The following LRP12 variants were observed in gnomAD, a reference collection of about 807,000 sequenced individuals.
LRP12 encodes LDL receptor related protein 12, also known as low-density lipoprotein receptor-related protein 12.
LRP12 carries 14 observed loss-of-function variants against 66.0 expected under a neutral mutation model. The ratio of observed to expected loss-of-function variants is 0.21; its 90% CI spans 0.14 to 0.33. LRP12 has a LOEUF of 0.33. LRP12 is among the 10% of genes least tolerant of loss of function. The pLI, the probability that LRP12 is intolerant of heterozygous loss-of-function variation, is 1.00. For missense variants in LRP12, 889 were observed against 1,053.4 expected (o/e 0.84, Z 2.16); for synonymous variants, 357 against 359.1 (o/e 0.99, Z 0.07).
intron 3 of LRP12, chr8:104,506,693 G>C (rs966117121): frequency 6.6e-6 from 1 of 152,126 alleles, no homozygotes; most frequent in African/African-American, 2.4e-5. Context: ...CCCGTCCCTA[G>C]TCCTTGGCTT....
At chr8:104,492,321 T>TA (rs1432694996) in intron 6 of LRP12, among the ~76,000 whole-genome samples, 1 of 152,172 alleles carries the variant, frequency 6.6e-6, no homozygotes, top group Non-Finnish European at 1.5e-5. Flanking sequence ...TCCAACTGAA[T>TA]AAAAAATCTA....
At position 104,550,325 on chromosome 8, in the gene LRP12, G is replaced by A. The variant is rs571489637; in HGVS notation, c.80-18362C>T. Among the ~76,000 whole-genome samples, 6 of 152,250 alleles carry A rather than the reference G, an allele frequency of 3.9e-5. No homozygotes were observed. The South Asian group carries it at 1.2e-3, about 32-fold the overall frequency. ...TCTTGAAATAATAATAGCAGCTAAC[G>A]TATGTACTATGTACCAAATGATGGT... On this transcript the variant is annotated intron_variant, in intron 1 of 6. Coordinates refer to ENST00000276654, the MANE Select transcript of LRP12 (RefSeq NM_013437.5).
At chr8:104,571,529 C>T (rs1053798188) in intron 1 of LRP12, among the ~76,000 whole-genome samples, 1 of 152,094 alleles carries the variant, frequency 6.6e-6, no homozygotes, top group Non-Finnish European at 1.5e-5. Context: ...TTGGTAGTTC[C>T]TCCTGTGTTC....
At position 104,552,487 on chromosome 8, in the gene LRP12, T is replaced by C. The variant is rs1218473917; in HGVS notation, c.80-20524A>G. On this transcript the variant is annotated intron_variant, in intron 1 of 6. Coordinates refer to ENST00000276654, the MANE Select transcript of LRP12 (RefSeq NM_013437.5). ...GAGTTCGAGACCAGCCTGACCAACA[T>C]GGGGAAACCCCTTCTCTACTAAAAA... 4.6e-5 allele frequency among the ~76,000 whole-genome samples: 7 copies of C among 151,800 alleles called. No individual in the cohort carries two copies. In the South Asian group the frequency reaches 1.3e-3, roughly 27 times the overall value.
intron 3 of LRP12, chr8:104,506,940 T>C (rs1810919389): frequency 6.6e-6 from 1 of 152,190 alleles, no homozygotes; most frequent in Non-Finnish European, 1.5e-5. Flanking sequence ...TTTAAAATTT[T>C]TATTTTAAAT....
intron 1 of LRP12, among the ~76,000 whole-genome samples, chr8:104,572,029 T>A (rs1355500661): frequency 6.6e-6 from 1 of 152,232 alleles, no homozygotes; most frequent in Non-Finnish European, 1.5e-5. Context: ...AATGGAAATG[T>A]CCTTCAATAG....
intron 1 of LRP12, among the ~76,000 whole-genome samples, chr8:104,544,939 G>T (rs566789692): frequency 6.6e-6 from 1 of 152,144 alleles, no homozygotes; most frequent in Non-Finnish European, 1.5e-5. Flanking sequence ...CTGCCACAGC[G>T]AGTCCTCTGA....
chr8:104,531,899 T>C lies in LRP12; in HGVS notation c.136+8A>G, dbSNP rs1321677448. On this transcript the variant is annotated splice_region_variant and intron_variant, in intron 2 of 6. Coordinates refer to ENST00000276654, the MANE Select transcript of LRP12 (RefSeq NM_013437.5). ...CATGAAATTTAAACATTACAAAAAA[T>C]GACTTACCAGTTGACACTCCTGAAA... 3 of 1,571,196 alleles carry C rather than the reference T, an allele frequency of 1.9e-6. No homozygotes were observed. The South Asian group carries it at 3.5e-5, about 19-fold the overall frequency.
intron 1 of LRP12, among the ~76,000 whole-genome samples, chr8:104,578,528 C>T (rs1232293564): frequency 6.6e-6 from 1 of 152,148 alleles, no homozygotes; most frequent in Non-Finnish European, 1.5e-5. Flanking sequence ...TCCCTCCTAA[C>T]TCATTCTATG....
chr8:104,548,945 A>G (rs1002569814), intron 1 of LRP12, among the ~76,000 whole-genome samples: 4 of 151,864 alleles, frequency 2.6e-5, no homozygotes, highest in African/African-American at 9.7e-5. Flanking sequence ...TCAAAAATAA[A>G]TAAATAAATA....
chr8:104,533,425 A>T (rs1314914687), intron 1 of LRP12, among the ~76,000 whole-genome samples: 3 of 152,122 alleles, frequency 2.0e-5, no homozygotes, highest in African/African-American at 7.2e-5. Flanking sequence ...CGAGTAGACT[A>T]GCAGTACTGG....
intron 1 of LRP12, among the ~76,000 whole-genome samples, chr8:104,538,220 C>T (rs1811417064): frequency 6.6e-6 from 1 of 152,164 alleles, no homozygotes. Flanking sequence ...AGGCAATCAA[C>T]AAATAGCTAC....
intron 3 of LRP12, chr8:104,507,401 A>G (rs1033554103): frequency 5.9e-5 from 9 of 152,160 alleles, no homozygotes; most frequent in Non-Finnish European, 1.3e-4. Context: ...TAACCTCATG[A>G]AATCTCAAGG....
rs1283520885 is a variant in LRP12, at chr8:104,588,926, G to C, written c.-29C>G. Reference sequence around the variant, plus strand: ...CACAGCAGATGGAGAGAGAGAGGAGGAGACGGAGGAGGAGGGAGGAGAAGC... The same window carrying C: ...CACAGCAGATGGAGAGAGAGAGGAGCAGACGGAGGAGGAGGGAGGAGAAGC... On this transcript the variant is annotated 5_prime_UTR_variant, in exon 1 of 7. Transcript: ENST00000276654. 2.6e-6 allele frequency: 4 copies of C among 1,548,150 alleles called. No homozygotes were observed. The highest frequency in any genetic ancestry group is 1.9e-5 in the Admixed American group (1 of 53,922).
chr8:104,572,273 G>A (rs1413462534), intron 1 of LRP12, among the ~76,000 whole-genome samples: 1 of 152,170 alleles, frequency 6.6e-6, no homozygotes, highest in African/African-American at 2.4e-5. Context: ...TGACTATAAA[G>A]GAAGAGCAGG....
chr8:104,549,110 CT>C (rs1368950090), intron 1 of LRP12, among the ~76,000 whole-genome samples: 7 of 152,032 alleles, frequency 4.6e-5, no homozygotes, highest in Non-Finnish European at 5.9e-5. Flanking sequence ...CCCTTGTTTC[CT>C]CTTAAATATA....
At chr8:104,500,476 G>A (rs1244147819) in intron 3 of LRP12, among the ~76,000 whole-genome samples, 1 of 152,176 alleles carries the variant, frequency 6.6e-6, no homozygotes, top group East Asian at 1.9e-4. Flanking sequence ...GGGACGCTGA[G>A]GTGGGCGGAT....
chr8:104,558,508 A>C (rs1330336415), intron 1 of LRP12, among the ~76,000 whole-genome samples: 2 of 152,218 alleles, frequency 1.3e-5, no homozygotes, highest in African/African-American at 4.8e-5. Flanking sequence ...AAATTCTAGA[A>C]GATAACATTT....
Position 104,588,998 on chromosome 8 carries a change from C to CGCCGCCGCCGCT in LRP12, c.-102_-101insAGCGGCGGCGGC, listed in dbSNP as rs568538639. 11 of 879,286 alleles carry CGCCGCCGCCGCT rather than the reference C, an allele frequency of 1.3e-5. No homozygotes were observed. The African/African-American group carries it at 1.8e-4, about 14-fold the overall frequency. 54.5% of individuals were successfully genotyped at this position (879,286 alleles called of 1,614,324 possible). A position where few individuals can be genotyped will look rare whatever the true frequency, so the allele number is the denominator to read the frequency against. On this transcript the variant is annotated 5_prime_UTR_variant, in exon 1 of 7. Transcript: ENST00000276654. ...CCGCCGCCGCCGCCGCCGCCGCCGC[C>CGCCGCCGCCGCT]GAGCCACCGGCTGCTCCCTGCGCTC...
Sources: allele counts gnomAD v4.1 joint callset (sites outside exome capture counted in the v4.1 genomes callset), GRCh38; gene constraint gnomAD v4.1.1; transcripts MANE v1.5; gene names NCBI Gene and HGNC (gene_info 2026-07-23, HGNC 2026-07-21).